SNPH: variants seen among roughly 807,000 people sequenced by gnomAD.
SNPH encodes the protein syntaphilin.
In SNPH, 10 loss-of-function variants were observed where a neutral mutation model predicts 36.8. The observed-to-expected ratio is 0.27, with a 90% CI of 0.17 to 0.46. The LOEUF (loss-of-function observed/expected upper bound fraction) is 0.46, where lower values mean the gene tolerates loss of function less well. Among genes scored for constraint, SNPH ranks in the 20% least tolerant of loss-of-function variants. The pLI, the probability that SNPH is intolerant of heterozygous loss-of-function variation, is 1.00. For synonymous variants in SNPH, 281 were observed against 312.2 expected (o/e 0.90, Z 1.05); for missense variants, 622 against 744.0 (o/e 0.84, Z 1.91).
chr20:1,291,922 TG>T (rs1435509213), intron 2 of SNPH, among the ~76,000 whole-genome samples: 1 of 152,182 alleles, frequency 6.6e-6, no homozygotes, highest in Non-Finnish European at 1.5e-5. Flanking sequence ...TTTACATATG[TG>T]GAAACTGAGA....
intron 4 of SNPH, 29 bp from the exon 5 acceptor site, chr20:1,297,116 G>A (rs1311971891): frequency 5.6e-6 from 9 of 1,596,906 alleles, no homozygotes; most frequent in South Asian, 1.1e-5. Flanking sequence ...CAGCCAGAAC[G>A]AGCACCTGCC....
Position 1,300,538 on chromosome 20 carries a change from CTGA to C in SNPH, c.291-18_291-16del, listed in dbSNP as rs756919503. 67 of 1,613,742 alleles carry C rather than the reference CTGA, an allele frequency of 4.2e-5. No individual in the cohort carries two copies. In the Middle Eastern group the frequency reaches 1.3e-3, roughly 32 times the overall value. ...CCTTGCCTGACCTCTTCCTCCCTCC[CTGA>C]TGATGGGCGTCCCCTTGCAGGCGCT... On this transcript the variant is annotated intron_variant, in intron 5 of 6. Coordinates refer to ENST00000381867, the MANE Select transcript of SNPH (RefSeq NM_001318234.2).
rs2088594284 is a variant in SNPH, at chr20:1,307,468, C to G, written c.*1414C>G. 1 of 152,324 alleles carries G rather than the reference C, an allele frequency of 6.6e-6. No homozygotes were observed. The highest frequency in any genetic ancestry group is 2.4e-5 in the African/African-American group (1 of 41,480). 9.4% of individuals were successfully genotyped at this position (152,324 alleles called of 1,614,324 possible). ...AAGTAAACTCACTCCTTTTCCCCCA[C>G]AGGGGTTACACCCATCTGGTTGTCC... On this transcript the variant is annotated 3_prime_UTR_variant, in exon 7 of 7. Transcript: ENST00000381867.
At chr20:1,271,878 G>A (rs2088077374) in intron 2 of SNPH, among the ~76,000 whole-genome samples, 1 of 152,162 alleles carries the variant, frequency 6.6e-6, no homozygotes, top group South Asian at 2.1e-4. Context: ...TACTGGGACA[G>A]GAAGTCTGTA....
At chr20:1,298,561 G>A (rs1034965170) in intron 5 of SNPH, among the ~76,000 whole-genome samples, 2 of 152,196 alleles carry the variant, frequency 1.3e-5, no homozygotes, top group African/African-American at 2.4e-5. Flanking sequence ...CTATATAATT[G>A]GCAACTTTAA....
At position 1,281,188 on chromosome 20, in the gene SNPH, A is replaced by G. The variant is rs555924642; in HGVS notation, c.-492-13763A>G. ...AGCCTATCTCTTCTGGGGACCCTCA[A>G]GAGTCTACTTCCTAAATTTCTCTTG... On this transcript the variant is annotated intron_variant, in intron 2 of 6. Coordinates refer to ENST00000381867, the MANE Select transcript of SNPH (RefSeq NM_001318234.2). Among the ~76,000 whole-genome samples the G allele has an allele frequency of 7.2e-5, 11 of 152,274 alleles. No individual in the cohort carries two copies. In the South Asian group the frequency reaches 2.1e-3, roughly 29 times the overall value.
At chr20:1,268,485 C>A (rs1252894332) in intron 2 of SNPH, among the ~76,000 whole-genome samples, 1 of 152,174 alleles carries the variant, frequency 6.6e-6, no homozygotes, top group Non-Finnish European at 1.5e-5. Flanking sequence ...AGCACTCAAG[C>A]CTTTCTCGCT....
At chr20:1,297,298 A>C in intron 5 of SNPH, 46 bp downstream of exon 5, 1 of 1,581,810 alleles carries the variant, frequency 6.3e-7, no homozygotes. Flanking sequence ...GGCTGGGAAC[A>C]GGTTGTCCTG....
chr20:1,297,699 G>C (rs528677214), intron 5 of SNPH, among the ~76,000 whole-genome samples: 1 of 152,214 alleles, frequency 6.6e-6, no homozygotes, highest in Non-Finnish European at 1.5e-5. Context: ...TTTTCTGAGA[G>C]GGACAGCTTG....
intron 2 of SNPH, among the ~76,000 whole-genome samples, chr20:1,272,966 G>A (rs1322935179): frequency 6.6e-6 from 1 of 152,254 alleles, no homozygotes; most frequent in Admixed American, 6.5e-5. Flanking sequence ...TTGGTCGGCA[G>A]CTTCAGAAGA....
intron 2 of SNPH, among the ~76,000 whole-genome samples, chr20:1,290,493 C>T (rs2088347456): frequency 6.6e-6 from 1 of 152,218 alleles, no homozygotes; most frequent in Non-Finnish European, 1.5e-5. Flanking sequence ...TGTCAAGGTT[C>T]ATCTGTGTTG....
In SNPH at chr20:1,305,912, G is replaced by A. The variant is rs768493064; in HGVS notation, c.1475G>A (p.Arg492Gln). ...GTGGCCTGGCTTTGCCGCTCCCAGC[G>A]GCGCCAGGGCCAGCCCATCTACAAC... ...PTVAWLCRSQ[R>Q]RQGQPIYNIS... The change falls in exon 7 of 7, where the codon CGG becomes CAG. Residue 492 changes from arginine to glutamine, a missense_variant. Arg to Gln is a conservative substitution (Grantham distance 43). This residue lies in a region of SNPH where 379 missense variants were observed against 427.9 expected (regional missense o/e 0.89). Transcript: ENST00000381867. 1.1e-5 allele frequency: 17 copies of A among 1,595,514 alleles called. No individual in the cohort carries two copies. The highest frequency in any genetic ancestry group is 6.7e-5 in the African/African-American group (5 of 74,634).
intron 2 of SNPH, among the ~76,000 whole-genome samples, chr20:1,283,154 T>A (rs568888616): frequency 2.0e-5 from 3 of 152,170 alleles, no homozygotes; most frequent in Non-Finnish European, 4.4e-5. Flanking sequence ...TGAAAAGGAT[T>A]TCCCCCTCAG....
rs772643451 is a variant in SNPH, at chr20:1,297,262, C to G, written c.290+10C>G. ...GCAGTCCCACGCCAAGGTAATTGGC[C>G]CCTCCTCTCTGGGCCTGGCCCTGCT... On this transcript the variant is annotated intron_variant, in intron 5 of 6. Coordinates refer to ENST00000381867, the MANE Select transcript of SNPH (RefSeq NM_001318234.2). The G allele has an allele frequency of 6.2e-7, 1 of 1,611,262 alleles. No individual in the cohort carries two copies. The highest frequency in any genetic ancestry group is 8.5e-7 in the Non-Finnish European group (1 of 1,178,522).
At chr20:1,288,634 T>TTTTTTTTTTTGTG (rs1343144463) in intron 2 of SNPH, among the ~76,000 whole-genome samples, 1 of 150,998 alleles carries the variant, frequency 6.6e-6, no homozygotes. Context: ...TTTCTTTTTT[T>TTTTTTTTTTTGTG]TTTTGAGATG....
Position 1,285,118 on chromosome 20 carries a change from C to T in SNPH, c.-492-9833C>T, listed in dbSNP as rs879096650. Among the ~76,000 whole-genome samples, 4 of 152,098 alleles carry T rather than the reference C, an allele frequency of 2.6e-5. No individual in the cohort carries two copies. The highest frequency in any genetic ancestry group is 2.0e-4 in the Admixed American group (3 of 15,270). Reference sequence around the variant, plus strand: ...AAAGCTGACAGGCTTTTCTGATAGACGTGAGAGTGTTGGCCTACCCGACTG... The same window carrying T: ...AAAGCTGACAGGCTTTTCTGATAGATGTGAGAGTGTTGGCCTACCCGACTG... On this transcript the variant is annotated intron_variant, in intron 2 of 6. Transcript: ENST00000381867. This position sits in a 1 kb window ranked among gnomAD's most constrained non-coding sequence, Gnocchi z 4.9.
At chr20:1,300,884 C>A (rs193033625) in intron 6 of SNPH, among the ~76,000 whole-genome samples, 173 bp downstream of exon 6, 1 of 152,326 alleles carries the variant, frequency 6.6e-6, no homozygotes, top group Non-Finnish European at 1.5e-5. Context: ...ACCCTCATCC[C>A]CAGCAGCTAC....
At chr20:1,302,919 C>A (rs927174461) in intron 6 of SNPH, among the ~76,000 whole-genome samples, 1 of 152,234 alleles carries the variant, frequency 6.6e-6, no homozygotes, top group South Asian at 2.1e-4. Context: ...GCCTTTTGCA[C>A]TAATGCCTCA....
In SNPH at chr20:1,301,551, A is replaced by G. The variant is rs555652712; in HGVS notation, c.440+840A>G. 9.1e-4 allele frequency among the ~76,000 whole-genome samples: 138 copies of G among 151,714 alleles called. 2 individuals carry two copies. Among genetic ancestry groups the G allele is most frequent in the African/African-American group, 3.2e-3 (133 of 41,374 alleles). ...AGCTTTATTGCAATGTAACTTACAT[A>G]CCATATAATTCACCTATCAAAAGTG... is the stretch of plus-strand genomic sequence containing the variant. On this transcript the variant is annotated intron_variant, in intron 6 of 6. Coordinates refer to ENST00000381867, the MANE Select transcript of SNPH (RefSeq NM_001318234.2).
Sources: gnomAD v4.1 joint callset for allele counts (sites outside exome capture counted in the v4.1 genomes callset) on GRCh38, gnomAD v4.1.1 for gene constraint, gnomAD v4.1.1 regional missense constraint, Gnocchi (gnomAD v3.1) non-coding constraint, MANE v1.5 for transcripts, NCBI Gene and HGNC (gene_info 2026-07-23, HGNC 2026-07-21) for gene names.